DET1: variants seen among roughly 807,000 people sequenced by gnomAD.
The protein encoded by DET1 is DET1 homolog.
In DET1, 22 loss-of-function variants were observed where a neutral mutation model predicts 43.7. The observed-to-expected ratio is 0.50, with a 90% CI of 0.36 to 0.72. The LOEUF (loss-of-function observed/expected upper bound fraction) is 0.72. Ranked by LOEUF, DET1 falls within the 30% of genes least tolerant of loss-of-function variation. The probability of loss-of-function intolerance (pLI) is 0.00; values close to 1 mark genes in which losing one functional copy is unlikely to be tolerated. For missense variants in DET1, 713 were observed against 713.3 expected (o/e 1.00, Z 0.00); for synonymous variants, 315 against 266.2 (o/e 1.18, Z -1.79).
intron 3 of DET1, among the ~76,000 whole-genome samples, chr15:88,517,228 T>G (rs1447419968): frequency 6.7e-6 from 1 of 150,064 alleles, no homozygotes; most frequent in East Asian, 1.9e-4. Flanking sequence ...TTTTGGGTTT[T>G]TTTTTTTTTT....
chr15:88,512,249 G>T, downstream of DET1: 1 of 602,652 alleles, frequency 1.7e-6, no homozygotes, highest in Non-Finnish European at 2.1e-6. Flanking sequence ...ACATGAGGAT[G>T]TGCAATTACA....
At chr15:88,533,545 T>C (rs554520260) in intron 1 of DET1, among the ~76,000 whole-genome samples, 12 of 152,290 alleles carry the variant, frequency 7.9e-5, no homozygotes, top group African/African-American at 1.7e-4. Flanking sequence ...AGTTCACTGA[T>C]GGATGAGTGG....
intron 3 of DET1, among the ~76,000 whole-genome samples, chr15:88,523,129 A>G (rs1372657378): frequency 1.4e-5 from 2 of 147,768 alleles, no homozygotes; most frequent in African/African-American, 5.0e-5. Flanking sequence ...GTCCACGCCA[A>G]CCTCCCAAAG....
chr15:88,515,520 C>A (rs545172468), intron 4 of DET1, among the ~76,000 whole-genome samples: 6 of 100,614 alleles, frequency 6.0e-5, no homozygotes, highest in Admixed American at 3.4e-4. Flanking sequence ...GCCTGGGCAA[C>A]AGACAGAGAC....
intron 1 of DET1, among the ~76,000 whole-genome samples, chr15:88,536,814 C>G (rs1441342507): frequency 7.3e-6 from 1 of 137,762 alleles, no homozygotes; most frequent in African/African-American, 3.0e-5. Flanking sequence ...AAAAAGGTAC[C>G]TAAAAGGCTA....
intron 1 of DET1, among the ~76,000 whole-genome samples, chr15:88,542,001 C>A (rs1177610194): frequency 3.3e-5 from 5 of 152,110 alleles, no homozygotes; most frequent in Admixed American, 6.5e-5. Context: ...AGCGCTCAGC[C>A]CCCTTCCTGT....
Position 88,531,406 on chromosome 15 carries a change from G to A in DET1, c.300C>T (p.Tyr100=), listed in dbSNP as rs373042248. 100 of 1,613,890 alleles carry A rather than the reference G, an allele frequency of 6.2e-5. 1 individual carries two copies. The Middle Eastern group carries it at 1.2e-3, about 19-fold the overall frequency. The change falls in exon 2 of 5, where the codon TAC becomes TAT. Residue 100 remains tyrosine, a synonymous_variant. Coordinates refer to ENST00000268148, the MANE Select transcript of DET1 (RefSeq NM_001144074.3). This position sits in a 1 kb window ranked among gnomAD's most constrained non-coding sequence, Gnocchi z 6.2. The part of the protein sequence containing the change: ...CQAAEDLLQG[Y]EGEILSNGND... ...TGCCATTGGACAGGATTTCTCCTTCGTATCCCTGCAGTAGGTCCTCTGCTG... is the reference window on the plus strand; with the variant it reads ...TGCCATTGGACAGGATTTCTCCTTCATATCCCTGCAGTAGGTCCTCTGCTG...
At chr15:88,543,555 C>T (rs747720578) in intron 1 of DET1, among the ~76,000 whole-genome samples, 16 of 152,178 alleles carry the variant, frequency 1.1e-4, no homozygotes, top group Non-Finnish European at 2.2e-4. Context: ...AGGCGGACGC[C>T]GCTGTGTTCA....
chr15:88,536,876 T>C (rs117864582), intron 1 of DET1, among the ~76,000 whole-genome samples: 4 of 150,704 alleles, frequency 2.7e-5, no homozygotes, highest in Non-Finnish European at 5.9e-5. Context: ...AACAGAGCAA[T>C]TTCAAGTGGT....
chr15:88,518,974 G>A (rs1007263230), intron 3 of DET1, among the ~76,000 whole-genome samples: 6 of 152,124 alleles, frequency 3.9e-5, no homozygotes, highest in African/African-American at 1.4e-4. Flanking sequence ...GGGCCAAATA[G>A]AGCTTATTTT....
At chr15:88,533,499 C>T (rs548926100) in intron 1 of DET1, among the ~76,000 whole-genome samples, 1 of 152,074 alleles carries the variant, frequency 6.6e-6, no homozygotes, top group Non-Finnish European at 1.5e-5. Flanking sequence ...CATATCAGCG[C>T]TATTCATAGT....
At chr15:88,514,695 C>T (rs552439629) in intron 4 of DET1, among the ~76,000 whole-genome samples, 1 of 152,030 alleles carries the variant, frequency 6.6e-6, no homozygotes, top group East Asian at 1.9e-4. Context: ...TGATGCTAAC[C>T]GTGATTACAA....
chr15:88,513,985 G>A (rs2056273747), intron 4 of DET1, among the ~76,000 whole-genome samples: 2 of 149,922 alleles, frequency 1.3e-5, no homozygotes, highest in East Asian at 3.9e-4. Context: ...ATTTTTAGTA[G>A]AGACGGGGTT....
chr15:88,532,472 A>G (rs750500978), intron 1 of DET1, among the ~76,000 whole-genome samples: 6 of 152,264 alleles, frequency 3.9e-5, no homozygotes, highest in African/African-American at 9.6e-5. Context: ...CCTAAAATTC[A>G]TATGGTATCT....
intron 1 of DET1, among the ~76,000 whole-genome samples, chr15:88,542,639 G>A (rs182451208): frequency 1.5e-3 from 225 of 152,216 alleles, no homozygotes; most frequent in Admixed American, 3.5e-3. Context: ...TTTGACAATC[G>A]AGAGTATGAA....
chr15:88,524,549 T>C (rs2056608057), intron 3 of DET1, among the ~76,000 whole-genome samples: 1 of 152,178 alleles, frequency 6.6e-6, no homozygotes, highest in Admixed American at 6.5e-5. Context: ...GAAAGAGAGA[T>C]CAGATTGTTA....
chr15:88,531,116 T>A lies in DET1; in HGVS notation c.590A>T (p.Asp197Val). The change falls in exon 2 of 5, where the codon GAC (aspartate) becomes GTC (valine). Residue 197 changes from aspartate to valine, a missense_variant. Transcript: ENST00000268148. The surrounding 1 kb of genome is among the most constrained non-coding windows in gnomAD (Gnocchi z 6.2). The stretch of plus-strand genomic sequence containing the variant: ...ATCACATAAGCGGCCGGTGTGAAGG[T>A]CAATGATATGGAGGGAATAGTCTTC... ...PLEDYSLHII[D>V]LHTGRLCDTR... 3 of 1,613,890 alleles carry A rather than the reference T, an allele frequency of 1.9e-6. No homozygotes were observed. Among genetic ancestry groups the A allele is most frequent in the Non-Finnish European group, 2.5e-6 (3 of 1,179,860 alleles).
intron 1 of DET1, among the ~76,000 whole-genome samples, chr15:88,537,303 A>G (rs1356825806): frequency 6.6e-6 from 1 of 152,218 alleles, no homozygotes; most frequent in East Asian, 1.9e-4. Context: ...ACTGATCTAG[A>G]CTAGAGCAAG....
intron 3 of DET1, among the ~76,000 whole-genome samples, chr15:88,522,259 G>A (rs1444147801): frequency 6.6e-6 from 1 of 152,086 alleles, no homozygotes; most frequent in Non-Finnish European, 1.5e-5. Context: ...GGATGGTCCT[G>A]CCAATCTAAA....
Sources: gnomAD v4.1 joint callset for allele counts (sites outside exome capture counted in the v4.1 genomes callset) on GRCh38, gnomAD v4.1.1 for gene constraint, Gnocchi (gnomAD v3.1) non-coding constraint, MANE v1.5 for transcripts, NCBI Gene and HGNC (gene_info 2026-07-23, HGNC 2026-07-21) for gene names.